SNED1: variants seen among roughly 807,000 people sequenced by gnomAD.
SNED1 encodes the protein sushi, nidogen and EGF like domains 1, also known as sushi, nidogen and EGF-like domain-containing protein 1.
A neutral mutation model predicts 166.7 loss-of-function variants in SNED1; 81 were observed. The observed-to-expected ratio is 0.49, with a 90% CI of 0.41 to 0.58. The LOEUF (loss-of-function observed/expected upper bound fraction) is 0.58, where lower values mean the gene tolerates loss of function less well. SNED1 is among the 20% of genes least tolerant of loss of function. The probability of loss-of-function intolerance (pLI) is 0.00; values close to 1 mark genes in which losing one functional copy is unlikely to be tolerated. For missense variants in SNED1, 1,604 were observed against 2,000.2 expected (o/e 0.80, Z 3.78); for synonymous variants, 762 against 822.0 (o/e 0.93, Z 1.25).
rs200252263 is a variant in SNED1 at position 241,024,238 on chromosome 2, T to TA, written c.214-6046_214-6045insA. Among the ~76,000 whole-genome samples the TA allele has an allele frequency of 8.5e-3, 922 of 108,118 alleles. 27 individuals are homozygous for TA. Among genetic ancestry groups the TA allele is most frequent in the African/African-American group, 0.036 (889 of 24,856 alleles). The allele number at this position is 108,118 out of a possible 152,430, so 70.9% of individuals were successfully genotyped here. On this transcript the variant is annotated intron_variant, in intron 1 of 31. Transcript: ENST00000310397. ...TAGTTGTATTTCACTCTACTACCTT[T>TA]TTTTTTTTTTTTTTTTTTTTTTTTT...
At chr2:241,030,246 C>T in intron 1 of SNED1, 38 bp from the exon 2 acceptor site, 1 of 1,514,176 alleles carries the variant, frequency 6.6e-7, no homozygotes, top group Non-Finnish European at 8.9e-7. Context: ...CTGCCCACAG[C>T]CCCCAGTCAA....
upstream of SNED1, among the ~76,000 whole-genome samples, chr2:240,997,932 A>G (rs1391622851): frequency 1.3e-5 from 2 of 152,120 alleles, no homozygotes; most frequent in Non-Finnish European, 2.9e-5. Flanking sequence ...CAGGGTGGGG[A>G]CCCTGAATTC....
chr2:241,054,446 G>T (rs1169321689), intron 16 of SNED1, among the ~76,000 whole-genome samples: 1 of 152,204 alleles, frequency 6.6e-6, no homozygotes, highest in East Asian at 1.9e-4. Context: ...GCACATGCCT[G>T]TAGTCCCAGC....
At chr2:241,042,053 T>A (rs2061535502) in intron 8 of SNED1, among the ~76,000 whole-genome samples, 1 of 152,168 alleles carries the variant, frequency 6.6e-6, no homozygotes, top group Non-Finnish European at 1.5e-5. Flanking sequence ...CACTCCACTG[T>A]GCTGGGAGGA....
In SNED1 at chr2:241,051,634, G is replaced by A. The variant is rs1327285113; in HGVS notation, c.1736-110G>A. 12 of 875,026 alleles carry A rather than the reference G, an allele frequency of 1.4e-5. No homozygotes were observed. The highest frequency in any genetic ancestry group is 2.1e-5 in the South Asian group (1 of 46,932). 54.2% of individuals were successfully genotyped at this position (875,026 alleles called of 1,614,324 possible). On this transcript the variant is annotated intron_variant, in intron 12 of 31. Coordinates refer to ENST00000310397, the MANE Select transcript of SNED1 (RefSeq NM_001080437.3). The surrounding 1 kb of genome is among the most constrained non-coding windows in gnomAD (Gnocchi z 4.7). ...TGCAGCCAGGCCCCAGGGCTTCGTC[G>A]AGAAGGCCCCACCAGCACCAGAGGA...
chr2:241,033,961 C>A, intron 3 of SNED1, 86 bp downstream of exon 3: 1 of 1,466,790 alleles, frequency 6.8e-7, no homozygotes, highest in Non-Finnish European at 9.2e-7. Flanking sequence ...TAGGCAGGGG[C>A]TCACCATAGG....
rs2125027984 is a variant in SNED1, at chr2:241,037,319, C to T, written c.1011C>T (p.Cys337=). The T allele has an allele frequency of 6.2e-7, 1 of 1,610,462 alleles. No homozygotes were observed. The highest frequency in any genetic ancestry group is 8.5e-7 in the Non-Finnish European group (1 of 1,178,774). The part of the protein sequence containing the change: ...THGINSFRCQ[C]PAGFGGPTCE... ...GCATCAACAGTTTCCGCTGCCAGTG[C>T]CCGGCTGGCTTTGGGGGACCCACCT... The change falls in exon 6 of 32, where the codon TGC becomes TGT. Residue 337 remains cysteine (C), a synonymous_variant. Coordinates refer to ENST00000310397, the MANE Select transcript of SNED1 (RefSeq NM_001080437.3).
chr2:241,056,579 A>ATTTTTTTT (rs1559274967), intron 16 of SNED1, among the ~76,000 whole-genome samples: 28 of 87,720 alleles, frequency 3.2e-4, no homozygotes, highest in African/African-American at 1.7e-3. Flanking sequence ...GAATAAGTGA[A>ATTTTTTTT]ATTTTTTTTT....
At chr2:241,082,158 C>T (rs1382676730) in intron 28 of SNED1, 119 bp from the exon 29 acceptor site, 4 of 760,596 alleles carry the variant, frequency 5.3e-6, no homozygotes, top group African/African-American at 1.7e-5. Context: ...CCCACCATCC[C>T]GCCTTGGAGG....
At chr2:241,020,446 C>G in intron 1 of SNED1, among the ~76,000 whole-genome samples, 1 of 152,248 alleles carries the variant, frequency 6.6e-6, no homozygotes, top group South Asian at 2.1e-4. Flanking sequence ...ACTCGAGCAC[C>G]CCGCAGAGCC....
chr2:241,080,440 C>T (rs1460750728), intron 27 of SNED1, among the ~76,000 whole-genome samples: 2 of 152,124 alleles, frequency 1.3e-5, no homozygotes, highest in Admixed American at 6.5e-5. Flanking sequence ...TAATAGGGAG[C>T]GGTGTGAGTG....
At chr2:241,080,687 G>A (rs2125298452) in intron 27 of SNED1, among the ~76,000 whole-genome samples, 1 of 152,376 alleles carries the variant, frequency 6.6e-6, no homozygotes, top group East Asian at 1.9e-4. Flanking sequence ...GACAGCAATG[G>A]ACGGAAGCCC....
Position 241,016,108 on chromosome 2 carries a change from T to G in SNED1, c.214-14176T>G, listed in dbSNP as rs112012636. 3.9e-5 allele frequency: 6 copies of G among 152,208 alleles called. 1 individual carries two copies. Among genetic ancestry groups the G allele is most frequent in the African/African-American group, 1.4e-4 (6 of 41,536 alleles). 9.4% of individuals were successfully genotyped at this position (152,208 alleles called of 1,614,324 possible). The stretch of plus-strand genomic sequence containing the variant: ...GGCAAATTAAATTAATAAAGTTAAT[T>G]TAATGGCAAATTAAATTAATTGGTT... On this transcript the variant is annotated intron_variant, in intron 1 of 31. Transcript: ENST00000310397.
chr2:241,005,194 T>G (rs1195328934), intron 1 of SNED1, among the ~76,000 whole-genome samples: 3 of 143,018 alleles, frequency 2.1e-5, no homozygotes, highest in African/African-American at 7.4e-5. Context: ...GTTTAGTTTC[T>G]GTTTTTGTTT....
chr2:241,004,726 G>C (rs2060172808), intron 1 of SNED1, among the ~76,000 whole-genome samples: 1 of 149,158 alleles, frequency 6.7e-6, no homozygotes, highest in South Asian at 2.1e-4. Flanking sequence ...TTAACTTTTT[G>C]TTTGTTTGTT....
intron 21 of SNED1, 37 bp from the exon 22 acceptor site, chr2:241,067,727 A>AGG: frequency 6.4e-7 from 1 of 1,556,656 alleles, no homozygotes; most frequent in African/African-American, 1.4e-5. Flanking sequence ...AGGAGCAAGG[A>AGG]GGGGCCGGCA....
At chr2:241,011,467 C>T (rs751338999) in intron 1 of SNED1, among the ~76,000 whole-genome samples, 7 of 152,216 alleles carry the variant, frequency 4.6e-5, no homozygotes, top group Non-Finnish European at 4.4e-5. Context: ...CTGGCATTCC[C>T]GCCCCCGAAG....
chr2:241,007,553 T>C (rs2060254643), intron 1 of SNED1, among the ~76,000 whole-genome samples: 1 of 152,220 alleles, frequency 6.6e-6, no homozygotes, highest in South Asian at 2.1e-4. Context: ...TAAATAACTA[T>C]TGTTCATCTT....
intron 1 of SNED1, among the ~76,000 whole-genome samples, chr2:241,029,485 A>G (rs896922019): frequency 6.6e-6 from 1 of 151,894 alleles, no homozygotes; most frequent in African/African-American, 2.4e-5. Context: ...TCACCTTCCA[A>G]AGGCCCCACC....
Sources: allele counts gnomAD v4.1 joint callset (sites outside exome capture counted in the v4.1 genomes callset), GRCh38; gene constraint gnomAD v4.1.1; non-coding constraint Gnocchi (gnomAD v3.1); transcripts MANE v1.5; gene names NCBI Gene and HGNC (gene_info 2026-07-23, HGNC 2026-07-21).